The following AGBL1 variants were observed in gnomAD, a reference collection of about 807,000 sequenced individuals.
AGBL1 encodes AGBL carboxypeptidase 1, also known as cytosolic carboxypeptidase 4.
A neutral mutation model predicts 118.9 loss-of-function variants in AGBL1; 130 were observed. The observed-to-expected ratio is 1.09, with a 90% confidence interval of 0.95 to 1.26. The LOEUF (loss-of-function observed/expected upper bound fraction) is 1.26. Ranked by LOEUF, AGBL1 falls within the 50% of genes most tolerant of loss-of-function variation. The probability of loss-of-function intolerance (pLI) is 0.00; values close to 1 mark genes in which losing one functional copy is unlikely to be tolerated. For synonymous variants in AGBL1, 555 were observed against 478.9 expected (o/e 1.16, Z -2.08); for missense variants, 1,584 against 1,298.1 (o/e 1.22, Z -3.38).
intron 21 of AGBL1, among the ~76,000 whole-genome samples, chr15:86,660,232 C>T (rs138826326): frequency 1.1e-3 from 167 of 151,910 alleles, no homozygotes; most frequent in African/African-American, 3.8e-3. Flanking sequence ...CTACAGGGGC[C>T]GATTGACCGG....
At chr15:86,378,831 A>G (rs978546468) in intron 17 of AGBL1, among the ~76,000 whole-genome samples, 1 of 151,804 alleles carries the variant, frequency 6.6e-6, no homozygotes, top group Non-Finnish European at 1.5e-5. Context: ...GGAGGAGTTC[A>G]CCTGGACGCT....
At chr15:86,556,410 A>G in intron 21 of AGBL1, 1 of 750,142 alleles carries the variant, frequency 1.3e-6, no homozygotes, top group Non-Finnish European at 2.3e-6. Context: ...GTTTTGGTTT[A>G]AGAATCCCAT....
intron 23 of AGBL1, chr15:86,946,093 A>G (rs968624931): frequency 6.6e-6 from 1 of 152,226 alleles, no homozygotes; most frequent in Non-Finnish European, 1.5e-5. Flanking sequence ...TATAACTCAC[A>G]TCTCCCAACT....
intron 22 of AGBL1, among the ~76,000 whole-genome samples, chr15:86,725,234 C>G (rs922908142): frequency 6.6e-6 from 1 of 152,170 alleles, no homozygotes; most frequent in Non-Finnish European, 1.5e-5. Context: ...TCAAGGAGCT[C>G]ATAGGAGCTC....
chr15:86,545,071 A>G (rs948984738), intron 19 of AGBL1, among the ~76,000 whole-genome samples: 2 of 152,174 alleles, frequency 1.3e-5, no homozygotes, highest in African/African-American at 4.8e-5. Context: ...TTGAGCAGAT[A>G]TGACGTTTGC....
chr15:86,397,716 C>T (rs2081389474), intron 18 of AGBL1, among the ~76,000 whole-genome samples, 170 bp downstream of exon 18: 1 of 152,152 alleles, frequency 6.6e-6, no homozygotes, highest in African/African-American at 2.4e-5. Flanking sequence ...ACACTGATGT[C>T]AGTCTCATGG....
At chr15:86,244,131 A>G (rs2078683349) in intron 6 of AGBL1, among the ~76,000 whole-genome samples, 1 of 151,806 alleles carries the variant, frequency 6.6e-6, no homozygotes, top group South Asian at 2.1e-4. Context: ...AGAAACTTAA[A>G]AAAAATTAAG....
intron 22 of AGBL1, among the ~76,000 whole-genome samples, chr15:86,709,758 C>T (rs184108391): frequency 2.0e-5 from 3 of 152,250 alleles, no homozygotes; most frequent in Admixed American, 6.5e-5. Context: ...ATCTTACCTC[C>T]ATCTACTTTG....
At chr15:86,888,619 G>T (rs1002462245) in intron 22 of AGBL1, among the ~76,000 whole-genome samples, 5 of 151,948 alleles carry the variant, frequency 3.3e-5, no homozygotes, top group Non-Finnish European at 7.4e-5. Context: ...CAGCGTGAGG[G>T]GATTTCTCAG....
intron 21 of AGBL1, among the ~76,000 whole-genome samples, chr15:86,668,982 A>T (rs2085694331): frequency 6.6e-6 from 1 of 152,194 alleles, no homozygotes; most frequent in South Asian, 2.1e-4. Flanking sequence ...CTCAAGCCAA[A>T]AATTCTCTCT....
In AGBL1 at chr15:86,329,758, G is replaced by A. The variant is rs146662995; in HGVS notation, c.2374+34350G>A. Among the ~76,000 whole-genome samples, 523 of 150,732 alleles carry A rather than the reference G, an allele frequency of 3.5e-3. 3 individuals are homozygous for A. Among genetic ancestry groups the A allele is most frequent in the African/African-American group, 0.012 (488 of 41,012 alleles). ...TCTGTGAAGAGATTTGGGTAAATGCGGGCCCTCTATGCTTCATGCCCAGGC... is the reference window on the plus strand; with the variant it reads ...TCTGTGAAGAGATTTGGGTAAATGCAGGCCCTCTATGCTTCATGCCCAGGC... On this transcript the variant is annotated intron_variant, in intron 17 of 22. Transcript: ENST00000614907.
intron 2 of AGBL1, among the ~76,000 whole-genome samples, chr15:86,142,296 A>G (rs1187114658): frequency 1.3e-5 from 2 of 152,160 alleles, no homozygotes; most frequent in African/African-American, 4.8e-5. Flanking sequence ...AGGAAATTAG[A>G]TTTAGTAGTA....
intron 7 of AGBL1, among the ~76,000 whole-genome samples, chr15:86,255,410 C>T (rs1002415211): frequency 5.3e-5 from 8 of 152,152 alleles, no homozygotes; most frequent in African/African-American, 1.9e-4. Context: ...TGATTCAGAA[C>T]ACCTGATGGG....
intron 18 of AGBL1, among the ~76,000 whole-genome samples, chr15:86,431,089 G>A (rs2081930115): frequency 6.6e-6 from 1 of 152,102 alleles, no homozygotes. Context: ...TATTTTAATG[G>A]ACCTGTTTGC....
rs527748454 is a variant in AGBL1, at chr15:86,113,208, T to C, written c.52-28796T>C. ...ACCGTTCACCTCTTTATTTTTTCTT[T>C]TTCTTTTTCTTTTCTTTTCTTTTCT... On this transcript the variant is annotated intron_variant, in intron 1 of 22. Coordinates refer to ENST00000614907, the MANE Select transcript of AGBL1 (RefSeq NM_001386094.1). Among the ~76,000 whole-genome samples, 627 of 137,364 alleles carry C rather than the reference T, an allele frequency of 4.6e-3. 1 individual carries two copies. The highest frequency in any genetic ancestry group is 0.016 in the African/African-American group (606 of 36,728). The allele number at this position is 137,364 out of a possible 152,430, so 90.1% of individuals were successfully genotyped here.
chr15:86,682,700 T>TA lies in AGBL1; in HGVS notation c.3158+8271dup, dbSNP rs199690027. 1.7e-3 allele frequency among the ~76,000 whole-genome samples: 257 copies of TA among 152,132 alleles called. 1 individual carries two copies. The East Asian group carries it at 0.02, about 12-fold the overall frequency. ...TTTAAACAACTCAAATTCTTAGCAG[T>TA]AAAAAAAGAACATTATTGATTAATT... On this transcript the variant is annotated intron_variant, in intron 22 of 22. Transcript: ENST00000614907.
chr15:86,295,248 G>A lies in AGBL1; in HGVS notation c.2221-7G>A. The A allele has an allele frequency of 6.2e-7, 1 of 1,613,072 alleles. No homozygotes were observed. The highest frequency in any genetic ancestry group is 8.5e-7 in the Non-Finnish European group (1 of 1,179,426). ...TAATATACATGCCTGCTTTATTTCT[G>A]CTCCAGACTCATCTTGACATCCTGG... On this transcript the variant is annotated splice_region_variant and splice_polypyrimidine_tract_variant and intron_variant, in intron 16 of 22. Transcript: ENST00000614907.
chr15:86,185,838 T>C (rs1039116412), intron 5 of AGBL1, among the ~76,000 whole-genome samples: 1 of 152,072 alleles, frequency 6.6e-6, no homozygotes, highest in Non-Finnish European at 1.5e-5. Flanking sequence ...CACACCAACA[T>C]GGCACATGTA....
At chr15:86,822,348 C>A (rs767177643) in intron 22 of AGBL1, among the ~76,000 whole-genome samples, 8 of 152,138 alleles carry the variant, frequency 5.3e-5, no homozygotes, top group Admixed American at 3.9e-4. Context: ...TCTGATATTT[C>A]TCTTCCAAAT....
Sources: allele counts gnomAD v4.1 joint callset (sites outside exome capture counted in the v4.1 genomes callset), GRCh38; gene constraint gnomAD v4.1.1; transcripts MANE v1.5; gene names NCBI Gene and HGNC (gene_info 2026-07-23, HGNC 2026-07-21).